Variants in ITM2C observed in about 807,000 individuals in gnomAD.
ITM2C encodes the protein BRICHOS domain containing 2C.
In ITM2C, 20 loss-of-function variants were observed where a neutral mutation model predicts 30.0. That is an observed-to-expected ratio of 0.67 (90% CI 0.47 to 0.97). ITM2C has a LOEUF of 0.97. ITM2C is among the 50% of genes least tolerant of loss of function. The probability of loss-of-function intolerance (pLI) is 0.00; values close to 1 mark genes in which losing one functional copy is unlikely to be tolerated. For synonymous variants in ITM2C, 167 were observed against 156.4 expected (o/e 1.07, Z -0.51); for missense variants, 366 against 371.9 (o/e 0.98, Z 0.13).
intron 2 of ITM2C, among the ~76,000 whole-genome samples, chr2:230,875,344 A>G (rs1175786712): frequency 1.3e-5 from 2 of 152,142 alleles, no homozygotes; most frequent in African/African-American, 4.8e-5. Flanking sequence ...TGCCACCTAG[A>G]ACCTGGCAGA....
intron 1 of ITM2C, among the ~76,000 whole-genome samples, chr2:230,871,564 A>T (rs1025241683): frequency 6.6e-6 from 1 of 152,222 alleles, no homozygotes; most frequent in African/African-American, 2.4e-5. Flanking sequence ...AGGAGATGAC[A>T]GTGGGCAGGT....
At position 230,865,205 on chromosome 2, in the gene ITM2C, G is replaced by A. The variant is rs1696996331; in HGVS notation, c.120+60G>A. ...GGACCCAGGCTCACGACCCAGGCGC[G>A]CCCCGTCGGCCCTGGGGACTGCCCG... On this transcript the variant is annotated intron_variant, in intron 1 of 5. Transcript: ENST00000326427. The surrounding 1 kb of genome is among the most constrained non-coding windows in gnomAD (Gnocchi z 6.8). 6.8e-6 allele frequency: 9 copies of A among 1,328,070 alleles called. No homozygotes were observed. The highest frequency in any genetic ancestry group is 4.6e-5 in the African/African-American group (3 of 65,642). 82.3% of individuals were successfully genotyped at this position (1,328,070 alleles called of 1,614,324 possible).
chr2:230,875,594 T>A, intron 2 of ITM2C, 26 bp from the exon 3 acceptor site: 6 of 1,565,572 alleles, frequency 3.8e-6, no homozygotes, highest in Non-Finnish European at 5.2e-6. Flanking sequence ...TCTCTGACTG[T>A]CTGTCTGTCT....
intron 1 of ITM2C, among the ~76,000 whole-genome samples, chr2:230,868,326 G>A (rs1697081334): frequency 6.6e-6 from 1 of 152,082 alleles, no homozygotes; most frequent in South Asian, 2.1e-4. Context: ...AAGTGGGCTG[G>A]ACCGGAAGCA....
chr2:230,867,887 G>T (rs1467407673), intron 1 of ITM2C, among the ~76,000 whole-genome samples: 1 of 152,114 alleles, frequency 6.6e-6, no homozygotes. Context: ...TCAAATTCCT[G>T]ACCTCAGGTG....
Position 230,877,110 on chromosome 2 carries a change from C to T in ITM2C, c.561+143C>T. 1 of 674,536 alleles carries T rather than the reference C, an allele frequency of 1.5e-6. No individual in the cohort carries two copies. Among genetic ancestry groups the T allele is most frequent in the Non-Finnish European group, 2.6e-6 (1 of 386,744 alleles). The allele number at this position is 674,536 out of a possible 1,614,324, so 41.8% of individuals were successfully genotyped here. Reference sequence around the variant, plus strand: ...ACATTGCTGGCACCTGGGCCCTGTACCCAGATTGGTCTCGCCTCTGCTATC... The same window carrying T: ...ACATTGCTGGCACCTGGGCCCTGTATCCAGATTGGTCTCGCCTCTGCTATC... On this transcript the variant is annotated intron_variant, in intron 4 of 5. Transcript: ENST00000326427. This position sits in a 1 kb window ranked among gnomAD's most constrained non-coding sequence, Gnocchi z 4.8.
chr2:230,864,430 G>A (rs534159381), upstream of ITM2C, among the ~76,000 whole-genome samples: 1 of 152,302 alleles, frequency 6.6e-6, no homozygotes, highest in East Asian at 1.9e-4. The surrounding 1 kb of genome is among the most constrained non-coding windows in gnomAD (Gnocchi z 4.3). Flanking sequence ...GGAGGCAGCA[G>A]TTTGGCGCCT....
intron 3 of ITM2C, 125 bp downstream of exon 3, chr2:230,875,933 G>C (rs754867810): frequency 7.9e-6 from 6 of 761,918 alleles, no homozygotes; most frequent in Non-Finnish European, 1.0e-5. Context: ...GCTTACCAGG[G>C]TCTTCAAGAC....
In ITM2C at chr2:230,875,796, T is replaced by C; in HGVS notation, c.438T>C (p.His146=). ...GCGGTGACCCTGCAGACATCATCCA[T>C]GACTTCCAGCGGGTGAGGCTGGCCA... is the stretch of plus-strand genomic sequence containing the variant. The part of the protein sequence containing the change: ...FGGGDPADII[H]DFQRGLTAYH... Residue 146 remains histidine, a synonymous_variant, in exon 3 of 6, where the codon CAT becomes CAC. Coordinates refer to ENST00000326427, the MANE Select transcript of ITM2C (RefSeq NM_030926.6). 2 of 1,274,376 alleles carry C rather than the reference T, an allele frequency of 1.6e-6. No individual in the cohort carries two copies. The highest frequency in any genetic ancestry group is 2.1e-6 in the Non-Finnish European group (2 of 965,780). The allele number at this position is 1,274,376 out of a possible 1,614,324, so 78.9% of individuals were successfully genotyped here. A position where few individuals can be genotyped will look rare whatever the true frequency, so the allele number is the denominator to read the frequency against.
chr2:230,871,016 G>A (rs531755570), intron 1 of ITM2C, among the ~76,000 whole-genome samples: 9 of 152,306 alleles, frequency 5.9e-5, no homozygotes, highest in East Asian at 1.9e-4. Context: ...GGAAAGGCTC[G>A]GCTGATAAAG....
rs376535631 is a variant in ITM2C at position 230,877,543 on chromosome 2, G to A, written c.705G>A (p.Thr235=). 4.5e-5 allele frequency: 73 copies of A among 1,613,472 alleles called. No individual in the cohort carries two copies. Among genetic ancestry groups the A allele is most frequent in the East Asian group, 3.8e-4 (17 of 44,892 alleles). Residue 235 remains threonine (T), a synonymous_variant, in exon 5 of 6, where the codon ACG becomes ACA. Transcript: ENST00000326427. The surrounding 1 kb of genome is among the most constrained non-coding windows in gnomAD (Gnocchi z 4.8). ...CCTACCGGCTCCGGCGCCGGGCAAC[G>A]CGGAGGCGTGAGTGGCTGGCTTCAC... The part of the protein sequence containing the change: ...KDTYRLRRRA[T]RRRINKRGAK...
intron 1 of ITM2C, among the ~76,000 whole-genome samples, chr2:230,870,169 T>A (rs1175236670): frequency 6.6e-6 from 1 of 152,154 alleles, no homozygotes; most frequent in Non-Finnish European, 1.5e-5. Context: ...TACCCCGAGA[T>A]CACAGGCTGC....
chr2:230,871,234 G>A (rs946772185), intron 1 of ITM2C, among the ~76,000 whole-genome samples: 4 of 152,236 alleles, frequency 2.6e-5, no homozygotes, highest in African/African-American at 4.8e-5. Flanking sequence ...GTTGTGTCCC[G>A]AGGGCAGATT....
At chr2:230,873,298 C>A in intron 1 of ITM2C, 119 bp from the exon 2 acceptor site, 1 of 1,017,776 alleles carries the variant, frequency 9.8e-7, no homozygotes, top group Non-Finnish European at 1.4e-6. Flanking sequence ...CATCTCCTTC[C>A]CTCCCTTTCC....
In ITM2C at chr2:230,873,453, G is replaced by T. The variant is rs2289235; in HGVS notation, c.157G>T (p.Gly53Cys). Residue 53 changes from glycine (G) to cysteine (C), a missense_variant, in exon 2 of 6, where the codon GGC becomes TGC. Physicochemically the swap from Gly to Cys is radical, Grantham distance 159. Transcript: ENST00000326427. Reference sequence around the variant, plus strand: ...CCCACAACATCGATCCAAGAGGGGGGGCTCAGTGGGCGGCGTGTGCTACCT... The same window carrying T: ...CCCACAACATCGATCCAAGAGGGGGTGCTCAGTGGGCGGCGTGTGCTACCT... ...QPPQHRSKRG[G>C]SVGGVCYLSM... The T allele has an allele frequency of 5.0e-6, 8 of 1,604,646 alleles. No individual in the cohort carries two copies. Among genetic ancestry groups the T allele is most frequent in the Admixed American group, 3.4e-5 (2 of 58,908 alleles).
intron 1 of ITM2C, among the ~76,000 whole-genome samples, chr2:230,871,666 C>T (rs1330481718): frequency 6.6e-6 from 1 of 152,228 alleles, no homozygotes. Flanking sequence ...AGTGGTTTGA[C>T]CTCCCACACC....
chr2:230,875,274 A>G (rs1006204322), intron 2 of ITM2C, among the ~76,000 whole-genome samples: 1 of 152,212 alleles, frequency 6.6e-6, no homozygotes. Flanking sequence ...CTTGGAGGCC[A>G]GAAGGGACCT....
chr2:230,870,854 A>C (rs918378217), intron 1 of ITM2C, among the ~76,000 whole-genome samples: 3 of 149,310 alleles, frequency 2.0e-5, no homozygotes, highest in Admixed American at 1.3e-4. Context: ...GGGCTCTCCC[A>C]CGTAGCGCTT....
Position 230,875,676 on chromosome 2 carries a change from C to G in ITM2C, c.318C>G (p.Ser106=). Residue 106 remains serine (S), a synonymous_variant, in exon 3 of 6, where the codon TCC becomes TCG. Coordinates refer to ENST00000326427, the MANE Select transcript of ITM2C (RefSeq NM_030926.6). ...CGVLYEDSLS[S]QVRTQMELEE... ...TGCTGTATGAGGACTCCCTGTCCTCCCAGGTCCGGACTCAGATGGAGCTGG... is the reference window on the plus strand; with the variant it reads ...TGCTGTATGAGGACTCCCTGTCCTCGCAGGTCCGGACTCAGATGGAGCTGG... 6.2e-7 allele frequency: 1 copy of G among 1,613,704 alleles called. No individual in the cohort carries two copies. The highest frequency in any genetic ancestry group is 8.5e-7 in the Non-Finnish European group (1 of 1,179,784).
Sources: allele counts gnomAD v4.1 joint callset (sites outside exome capture counted in the v4.1 genomes callset), GRCh38; gene constraint gnomAD v4.1.1; non-coding constraint Gnocchi (gnomAD v3.1); transcripts MANE v1.5; gene names NCBI Gene and HGNC (gene_info 2026-07-23, HGNC 2026-07-21).